ARHGAP18: variants seen among roughly 807,000 people sequenced by gnomAD.
ARHGAP18 encodes the protein Rho GTPase activating protein 18.
ARHGAP18 carries 67 observed loss-of-function variants against 86.2 expected under a neutral mutation model. That is an observed-to-expected ratio of 0.78 (90% CI 0.64 to 0.95). The LOEUF (loss-of-function observed/expected upper bound fraction) is 0.95. ARHGAP18 is among the 40% of genes least tolerant of loss of function. ARHGAP18 has a pLI of 0.00. For missense variants in ARHGAP18, 691 were observed against 780.4 expected, an observed-to-expected ratio of 0.89 and a Z score of 1.37; for synonymous variants, 283 against 280.4, an observed-to-expected ratio of 1.01 and a Z score of -0.09.
chr6:129,586,777 T>C (rs1421755537), intron 12 of ARHGAP18, among the ~76,000 whole-genome samples: 2 of 152,174 alleles, frequency 1.3e-5, no homozygotes, highest in African/African-American at 4.8e-5. Context: ...TTTCCCCCAC[T>C]ATTTCTTGTA....
intron 14 of ARHGAP18, 124 bp downstream of exon 14, chr6:129,579,946 C>A: frequency 3.7e-6 from 3 of 817,324 alleles, no homozygotes; most frequent in Non-Finnish European, 5.8e-6. Flanking sequence ...CAATATTCAG[C>A]AACTTATCTA....
At chr6:129,665,054 G>T (rs937370214) in intron 1 of ARHGAP18, among the ~76,000 whole-genome samples, 2 of 152,104 alleles carry the variant, frequency 1.3e-5, no homozygotes, top group African/African-American at 4.8e-5. Context: ...AGAGCCTTTA[G>T]CACTTTTTAG....
Position 129,580,093 on chromosome 6 carries a change from A to G in ARHGAP18, c.1877T>C (p.Leu626Ser). The part of the protein sequence containing the change: ...AQTLKKGEVF[L>S]YEIGGNIGER... ...ACCAATATTTCCTCCAATTTCATAC[A>G]AAAAAACTTCTCCTTTCTTGAGAGT... Residue 626 changes from leucine to serine, a missense_variant, in exon 14 of 15, where the codon TTG becomes TCG. By Grantham distance (145) the Leu-to-Ser change is moderately radical. Coordinates refer to ENST00000368149, the MANE Select transcript of ARHGAP18 (RefSeq NM_033515.3). 6.2e-7 allele frequency: 1 copy of G among 1,613,334 alleles called. No homozygotes were observed. The highest frequency in any genetic ancestry group is 1.1e-5 in the South Asian group (1 of 91,050).
Position 129,669,172 on chromosome 6 carries a change from C to T in ARHGAP18, c.114-27154G>A, listed in dbSNP as rs565884601. Among the ~76,000 whole-genome samples, 519 of 144,978 alleles carry T rather than the reference C, an allele frequency of 3.6e-3. 3 individuals are homozygous for T. Among genetic ancestry groups the T allele is most frequent in the African/African-American group, 0.013 (503 of 39,700 alleles). On this transcript the variant is annotated intron_variant, in intron 1 of 14. Coordinates refer to ENST00000368149, the MANE Select transcript of ARHGAP18 (RefSeq NM_033515.3). ...TGCTGTGCTTGGCATCTAACACGCA[C>T]TTTTTTTTTTTTTTCTTGAGACGGA...
chr6:129,662,651 C>T (rs117432506), intron 1 of ARHGAP18, among the ~76,000 whole-genome samples: 1,687 of 152,324 alleles, frequency 0.011, 22 homozygotes, highest in Middle Eastern at 0.034. Flanking sequence ...GACCTTGTAG[C>T]CACAGGCAAA....
intron 1 of ARHGAP18, among the ~76,000 whole-genome samples, chr6:129,661,664 A>G (rs1773954565): frequency 6.6e-6 from 1 of 152,154 alleles, no homozygotes; most frequent in Non-Finnish European, 1.5e-5. Flanking sequence ...GGGCTTGAGA[A>G]CAAGATGTTC....
intron 1 of ARHGAP18, among the ~76,000 whole-genome samples, chr6:129,707,202 C>T (rs944548258): frequency 3.3e-5 from 5 of 151,454 alleles, no homozygotes; most frequent in Non-Finnish European, 7.4e-5. Context: ...CATTGTGCTC[C>T]AGCCTGAGCA....
chr6:129,640,314 A>C (rs1773429113), intron 2 of ARHGAP18, among the ~76,000 whole-genome samples: 1 of 152,236 alleles, frequency 6.6e-6, no homozygotes, highest in African/African-American at 2.4e-5. Flanking sequence ...CATAATAATC[A>C]ATGACTCTAA....
At chr6:129,663,146 T>C (rs890869473) in intron 1 of ARHGAP18, among the ~76,000 whole-genome samples, 1 of 152,156 alleles carries the variant, frequency 6.6e-6, no homozygotes, top group African/African-American at 2.4e-5. Context: ...CTCTGTATGA[T>C]AAATGCCTCT....
At chr6:129,621,274 G>T (rs890740061) in intron 5 of ARHGAP18, among the ~76,000 whole-genome samples, 1 of 152,144 alleles carries the variant, frequency 6.6e-6, no homozygotes, top group African/African-American at 2.4e-5. Context: ...ATGACTTTTA[G>T]TAAGTGAGAA....
intron 1 of ARHGAP18, among the ~76,000 whole-genome samples, chr6:129,669,423 C>T (rs1176134899): frequency 6.6e-6 from 1 of 151,450 alleles, no homozygotes; most frequent in Non-Finnish European, 1.5e-5. Flanking sequence ...CCGCCCACCT[C>T]GGCTTCCCAA....
chr6:129,603,288 C>T (rs1040173224), intron 10 of ARHGAP18, among the ~76,000 whole-genome samples: 4 of 152,098 alleles, frequency 2.6e-5, no homozygotes, highest in African/African-American at 4.8e-5. Context: ...ATAATGGCTT[C>T]CGGTTCCATC....
chr6:129,657,219 T>C (rs1049717564), intron 1 of ARHGAP18, among the ~76,000 whole-genome samples: 14 of 152,200 alleles, frequency 9.2e-5, no homozygotes, highest in African/African-American at 3.1e-4. Context: ...CTGAGGAAAT[T>C]AGCACTGTTA....
chr6:129,600,545 G>T, intron 11 of ARHGAP18, 97 bp downstream of exon 11: 1 of 973,240 alleles, frequency 1.0e-6, no homozygotes. Flanking sequence ...AATATTTTCT[G>T]CACTCACAAA....
intron 1 of ARHGAP18, among the ~76,000 whole-genome samples, chr6:129,645,414 G>C (rs957595084): frequency 2.0e-5 from 3 of 152,118 alleles, no homozygotes; most frequent in African/African-American, 7.2e-5. Context: ...ATGAAGTACA[G>C]AGCAGAAATA....
At chr6:129,606,666 A>C (rs1237933626) in intron 9 of ARHGAP18, among the ~76,000 whole-genome samples, 1 of 152,336 alleles carries the variant, frequency 6.6e-6, no homozygotes, top group Middle Eastern at 3.4e-3. Context: ...TTTCCCACAG[A>C]AGGTAATTTA....
chr6:129,646,163 CAT>C (rs1288417516), intron 1 of ARHGAP18, among the ~76,000 whole-genome samples: 12 of 152,138 alleles, frequency 7.9e-5, no homozygotes, highest in Middle Eastern at 3.2e-3. Flanking sequence ...GAAATGGAAA[CAT>C]ATGGAACTGG....
intron 1 of ARHGAP18, among the ~76,000 whole-genome samples, chr6:129,695,162 T>A (rs1486173631): frequency 2.0e-5 from 3 of 152,188 alleles, no homozygotes; most frequent in South Asian, 2.1e-4. Context: ...TCAAAAAAAA[T>A]TTGGAATATG....
intron 1 of ARHGAP18, among the ~76,000 whole-genome samples, chr6:129,681,366 G>A (rs1409943417): frequency 4.6e-5 from 7 of 152,146 alleles, no homozygotes; most frequent in Non-Finnish European, 8.8e-5. Context: ...GTGAGCCACC[G>A]CGCCCAGCTA....
Sources: allele counts gnomAD v4.1 joint callset (sites outside exome capture counted in the v4.1 genomes callset), GRCh38; gene constraint gnomAD v4.1.1; transcripts MANE v1.5; gene names NCBI Gene and HGNC (gene_info 2026-07-23, HGNC 2026-07-21).